Variants in AKAP10 observed in about 807,000 individuals in gnomAD.
AKAP10 encodes A-kinase anchoring protein 10, also known as A-kinase anchor protein 10, mitochondrial.
A neutral mutation model predicts 80.8 loss-of-function variants in AKAP10; 24 were observed. That is an observed-to-expected ratio of 0.30 (90% CI 0.22 to 0.42). The LOEUF is 0.42. AKAP10 is among the 10% of genes least tolerant of loss of function. AKAP10 has a pLI of 1.00. For missense variants in AKAP10, 661 were observed against 794.9 expected, an observed-to-expected ratio of 0.83 and a Z score of 2.03; for synonymous variants, 291 against 277.7, an observed-to-expected ratio of 1.05 and a Z score of -0.48.
chr17:19,922,306 G>C (rs1276674577), intron 11 of AKAP10, among the ~76,000 whole-genome samples: 1 of 152,136 alleles, frequency 6.6e-6, no homozygotes, highest in Non-Finnish European at 1.5e-5. Flanking sequence ...TTCCTAATAA[G>C]TTATTTCATA....
At chr17:19,910,075 T>A in intron 12 of AKAP10, 97 bp from the exon 13 acceptor site, 1 of 1,233,936 alleles carries the variant, frequency 8.1e-7, no homozygotes, top group Non-Finnish European at 1.2e-6. Context: ...TGCCTGTAAT[T>A]CCAGCACTTT....
At chr17:19,971,942 C>A (rs1042667150) in intron 1 of AKAP10, among the ~76,000 whole-genome samples, 2 of 152,146 alleles carry the variant, frequency 1.3e-5, no homozygotes, top group Admixed American at 1.3e-4. Context: ...CCTGTCTCTA[C>A]TAAAAATACA....
Position 19,906,171 on chromosome 17 carries a change from G to C in AKAP10, c.*56C>G. On this transcript the variant is annotated 3_prime_UTR_variant, in exon 15 of 15. Coordinates refer to ENST00000225737, the MANE Select transcript of AKAP10 (RefSeq NM_007202.4). ...TGGCTGTGTTGAAGAATCCAACCAA[G>C]GGAAAAAAGTTCTCTTATTTTTCAC... The C allele has an allele frequency of 6.4e-7, 1 of 1,567,140 alleles. No homozygotes were observed.
At chr17:19,908,997 C>A (rs1311698844) in intron 14 of AKAP10, among the ~76,000 whole-genome samples, 184 bp downstream of exon 14, 1 of 152,204 alleles carries the variant, frequency 6.6e-6, no homozygotes, top group Non-Finnish European at 1.5e-5. Flanking sequence ...CCTGTATTGC[C>A]CATTGTCCAA....
intron 14 of AKAP10, among the ~76,000 whole-genome samples, chr17:19,907,583 A>G (rs2042645002): frequency 6.6e-6 from 1 of 151,642 alleles, no homozygotes; most frequent in African/African-American, 2.4e-5. Flanking sequence ...ATGCCCAGCT[A>G]ATTTTTTTGT....
chr17:19,922,557 T>C (rs1283296179), intron 11 of AKAP10, among the ~76,000 whole-genome samples: 2 of 152,168 alleles, frequency 1.3e-5, no homozygotes, highest in Non-Finnish European at 2.9e-5. Context: ...AGATAATCTT[T>C]CAAGATGAAG....
At chr17:19,950,591 G>A (rs970097061) in intron 4 of AKAP10, among the ~76,000 whole-genome samples, 20 of 152,260 alleles carry the variant, frequency 1.3e-4, no homozygotes, top group African/African-American at 3.9e-4. Flanking sequence ...GATTGCAGAC[G>A]GAGTCTCGCT....
At chr17:19,946,090 G>A (rs1190843484) in intron 5 of AKAP10, among the ~76,000 whole-genome samples, 1 of 135,464 alleles carries the variant, frequency 7.4e-6, no homozygotes, top group Non-Finnish European at 1.6e-5. Context: ...GAGATACTTT[G>A]ATTTTTTTAT....
At chr17:19,969,055 T>C (rs1436112083) in intron 1 of AKAP10, among the ~76,000 whole-genome samples, 5 of 152,112 alleles carry the variant, frequency 3.3e-5, no homozygotes, top group Non-Finnish European at 5.9e-5. Flanking sequence ...GTATAATAAT[T>C]TGTCTGGGCC....
chr17:19,953,790 G>A (rs2043241563), intron 4 of AKAP10, among the ~76,000 whole-genome samples: 1 of 151,894 alleles, frequency 6.6e-6, no homozygotes, highest in Non-Finnish European at 1.5e-5. Flanking sequence ...CTAACACTTT[G>A]GGAGGCCAAG....
intron 9 of AKAP10, among the ~76,000 whole-genome samples, chr17:19,934,254 C>T (rs180901916): frequency 2.0e-5 from 3 of 152,256 alleles, no homozygotes; most frequent in African/African-American, 7.2e-5. Flanking sequence ...TTAATAATAC[C>T]TTGTGATCAT....
Position 19,947,429 on chromosome 17 carries a change from T to C in AKAP10, c.954A>G (p.Glu318=). The C allele has an allele frequency of 1.2e-6, 2 of 1,610,622 alleles. No individual in the cohort carries two copies. Among genetic ancestry groups the C allele is most frequent in the Non-Finnish European group, 1.7e-6 (2 of 1,176,898 alleles). ...TACCTATGATGTCATTTCTCATTGC[T>C]TCTGTAATTGGTATTGGTTTAGCAG... is the stretch of plus-strand genomic sequence containing the variant. ...PDAAKPIPIT[E]AMRNDIIARI... is the part of the protein sequence containing the mutation. The change falls in exon 5 of 15, where the codon GAA becomes GAG. Residue 318 remains glutamate, a synonymous_variant. Coordinates refer to ENST00000225737, the MANE Select transcript of AKAP10 (RefSeq NM_007202.4).
chr17:19,973,746 G>A (rs540093796), intron 1 of AKAP10, among the ~76,000 whole-genome samples: 1 of 152,330 alleles, frequency 6.6e-6, no homozygotes, highest in East Asian at 1.9e-4. Flanking sequence ...TCTTAACAGA[G>A]ATGACTGCCT....
chr17:19,925,803 AAG>A (rs2042869877), intron 10 of AKAP10, among the ~76,000 whole-genome samples: 1 of 152,160 alleles, frequency 6.6e-6, no homozygotes, highest in Non-Finnish European at 1.5e-5. Flanking sequence ...GACCAGAATA[AAG>A]AGGGAATATT....
intron 10 of AKAP10, 117 bp from the exon 11 acceptor site, chr17:19,924,634 C>CCT: frequency 7.5e-6 from 4 of 535,472 alleles, no homozygotes; most frequent in Non-Finnish European, 9.9e-6. Context: ...TTTCACTCAA[C>CCT]CTCATCACTA....
Position 19,962,869 on chromosome 17 carries a change from T to C in AKAP10, c.290A>G (p.His97Arg). 6.2e-7 allele frequency: 1 copy of C among 1,613,922 alleles called. No homozygotes were observed. Among genetic ancestry groups the C allele is most frequent in the Non-Finnish European group, 8.5e-7 (1 of 1,179,906 alleles). Reference sequence around the variant, plus strand: ...GTCACCAAAATGAGCGGCCTCCATGTGGCTTGGCTGCTTCTTAAGTGTGGC... The same window carrying C: ...GTCACCAAAATGAGCGGCCTCCATGCGGCTTGGCTGCTTCTTAAGTGTGGC... The part of the protein sequence containing the change: ...RTATLKKQPS[H>R]MEAAHFGDLG... The change falls in exon 3 of 15, where the codon CAC becomes CGC. Residue 97 changes from histidine (H) to arginine (R), a missense_variant. Coordinates refer to ENST00000225737, the MANE Select transcript of AKAP10 (RefSeq NM_007202.4).
rs2043481735 is a variant in AKAP10, at chr17:19,970,519, C to G, written c.89-2058G>C. ...ACCCTTCCTTTCCCAGATATAAATA[C>G]TTACTAAATTAGATATTTCCTGGCC... is the stretch of plus-strand genomic sequence containing the variant. On this transcript the variant is annotated intron_variant, in intron 1 of 14. Coordinates refer to ENST00000225737, the MANE Select transcript of AKAP10 (RefSeq NM_007202.4). Among the ~76,000 whole-genome samples, 3 of 152,176 alleles carry G rather than the reference C, an allele frequency of 2.0e-5. No individual in the cohort carries two copies. The South Asian group carries it at 6.2e-4, about 32-fold the overall frequency.
At chr17:19,946,257 A>G (rs1341761232) in intron 5 of AKAP10, among the ~76,000 whole-genome samples, 3 of 22,718 alleles carry the variant, frequency 1.3e-4, no homozygotes, top group Non-Finnish European at 1.5e-4. Flanking sequence ...ATATATATAT[A>G]TATATATATA....
intron 1 of AKAP10, among the ~76,000 whole-genome samples, chr17:19,969,302 G>A (rs547480468): frequency 2.0e-5 from 3 of 152,194 alleles, no homozygotes; most frequent in East Asian, 3.9e-4. Flanking sequence ...CCGAGATCGC[G>A]ACACTGTACT....
Sources: gnomAD v4.1 joint callset for allele counts (sites outside exome capture counted in the v4.1 genomes callset) on GRCh38, gnomAD v4.1.1 for gene constraint, MANE v1.5 for transcripts, NCBI Gene and HGNC (gene_info 2026-07-23, HGNC 2026-07-21) for gene names.